Variants in TCF7 observed in about 807,000 individuals in gnomAD.
TCF7 encodes T-cell-factor-7.
In TCF7, 19 loss-of-function variants were observed where a neutral mutation model predicts 46.8. That is an observed-to-expected ratio of 0.41 (90% CI 0.28 to 0.60). The LOEUF (loss-of-function observed/expected upper bound fraction) is 0.60, where lower values mean the gene tolerates loss of function less well. Among genes scored for constraint, TCF7 ranks in the 20% least tolerant of loss-of-function variants. The pLI is 0.35. For synonymous variants in TCF7, 245 were observed against 213.4 expected, an observed-to-expected ratio of 1.15 and a Z score of -1.29; for missense variants, 547 against 504.6, an observed-to-expected ratio of 1.08 and a Z score of -0.81.
rs777189186 is a variant in TCF7 at position 134,146,458 on chromosome 5, C to A, written c.*155C>A. ...TCCCAACCCCAGGGCCCCCACAGGC[C>A]CCCCGCAGCACCCTGCAGAGCACAC... On this transcript the variant is annotated 3_prime_UTR_variant, in exon 10 of 10. Coordinates refer to ENST00000342854, the MANE Select transcript of TCF7 (RefSeq NM_003202.5). 4 of 856,062 alleles carry A rather than the reference C, an allele frequency of 4.7e-6. No individual in the cohort carries two copies. In the African/African-American group the frequency reaches 6.7e-5, roughly 14 times the overall value. The allele number at this position is 856,062 out of a possible 1,614,324, so 53.0% of individuals were successfully genotyped here. A position where few individuals can be genotyped will look rare whatever the true frequency, so the allele number is the denominator to read the frequency against.
chr5:134,126,896 CA>C (rs111604522), intron 3 of TCF7, among the ~76,000 whole-genome samples: 5,498 of 125,394 alleles, frequency 0.044, 233 homozygotes, highest in African/African-American at 0.13. Flanking sequence ...GACTCTATCT[CA>C]AAAAAAAAAA....
Position 134,148,137 on chromosome 5 carries a change from A to G in TCF7, c.*1834A>G, listed in dbSNP as rs1760927312. 6.5e-6 allele frequency: 1 copy of G among 152,672 alleles called. No homozygotes were observed. Among genetic ancestry groups the G allele is most frequent in the South Asian group, 2.1e-4 (1 of 4,830 alleles). The allele number at this position is 152,672 out of a possible 1,614,324, so 9.5% of individuals were successfully genotyped here. On this transcript the variant is annotated 3_prime_UTR_variant, in exon 10 of 10. Coordinates refer to ENST00000342854, the MANE Select transcript of TCF7 (RefSeq NM_003202.5). ...GAGAAAAAGATTATTGTAGTGTTCA[A>G]AATATTTTTGTATTGTTAATGCATC...
At chr5:134,144,421 G>T in intron 9 of TCF7, 1 of 268,296 alleles carries the variant, frequency 3.7e-6, no homozygotes, top group South Asian at 5.0e-5. Context: ...GTAGGGAGTT[G>T]GGGAGGAGGT....
intron 3 of TCF7, among the ~76,000 whole-genome samples, chr5:134,128,297 T>G (rs955802105): frequency 2.6e-5 from 4 of 152,194 alleles, no homozygotes; most frequent in Admixed American, 2.6e-4. Context: ...CTCACTCGCC[T>G]CATGAAGGGC....
chr5:134,138,784 GCACTATTATCA>G, intron 4 of TCF7, 156 bp from the exon 5 acceptor site: 1 of 1,101,460 alleles, frequency 9.1e-7, no homozygotes, highest in Non-Finnish European at 1.3e-6. Flanking sequence ...TGTCAAAGGG[GCACTATTATCA>G]CACTGGGATC....
intron 6 of TCF7, 106 bp downstream of exon 6, chr5:134,142,410 C>A: frequency 8.0e-7 from 1 of 1,243,176 alleles, no homozygotes; most frequent in Non-Finnish European, 1.0e-6. Context: ...CTGTTTCGTG[C>A]CTCTGGCTAT....
At position 134,138,052 on chromosome 5, in the gene TCF7, T is replaced by C. The variant is rs1224247652; in HGVS notation, c.442-7T>C. ...CACACTCACCCACCCTCCTTCTCAT[T>C]TTTCAGCACAAGGCCAATCAGCCCC... On this transcript the variant is annotated splice_polypyrimidine_tract_variant and splice_region_variant and intron_variant, in intron 3 of 9. Transcript: ENST00000342854. 2 of 1,589,448 alleles carry C rather than the reference T, an allele frequency of 1.3e-6. No individual in the cohort carries two copies. The highest frequency in any genetic ancestry group is 1.7e-6 in the Non-Finnish European group (2 of 1,164,564).
chr5:134,131,135 G>GAGCC (rs1758062426), intron 3 of TCF7, among the ~76,000 whole-genome samples: 1 of 152,180 alleles, frequency 6.6e-6, no homozygotes, highest in African/African-American at 2.4e-5. Flanking sequence ...ATGGCCCTCA[G>GAGCC]AGCCAGTGAT....
At position 134,115,620 on chromosome 5, in the gene TCF7, C is replaced by T. The variant is rs1389404728; in HGVS notation, c.316+233C>T. 3.2e-5 allele frequency: 46 copies of T among 1,433,066 alleles called. No homozygotes were observed. In the Admixed American group the frequency reaches 1.0e-3, roughly 32 times the overall value. The allele number at this position is 1,433,066 out of a possible 1,614,324, so 88.8% of individuals were successfully genotyped here. A position where few individuals can be genotyped will look rare whatever the true frequency, so the allele number is the denominator to read the frequency against. On this transcript the variant is annotated intron_variant, in intron 2 of 9. Transcript: ENST00000342854. ...CAGACCCCCGCCATCCCCGCCTCCC[C>T]TCCTGCCCAGGTGACTGACTAATCC...
upstream of TCF7, among the ~76,000 whole-genome samples, chr5:134,112,409 C>T (rs1404613709): frequency 1.3e-5 from 2 of 152,218 alleles, no homozygotes; most frequent in African/African-American, 4.8e-5. Flanking sequence ...CCTTAGCAAG[C>T]CTTCAGACTG....
At chr5:134,127,312 GTCTT>G (rs888242003) in intron 3 of TCF7, among the ~76,000 whole-genome samples, 1 of 152,252 alleles carries the variant, frequency 6.6e-6, no homozygotes, top group Non-Finnish European at 1.5e-5. Context: ...CAAAAGGGCT[GTCTT>G]TCTTACTTGA....
chr5:134,146,233 G>C lies in TCF7; in HGVS notation c.1085G>C (p.Arg362Thr). The C allele has an allele frequency of 1.2e-6, 2 of 1,614,202 alleles. No individual in the cohort carries two copies. The highest frequency in any genetic ancestry group is 1.7e-6 in the Non-Finnish European group (2 of 1,180,032). The change falls in exon 10 of 10, where the codon AGA becomes ACA. Residue 362 changes from arginine to threonine, a missense_variant. Physicochemically the swap from Arg to Thr is moderately conservative, Grantham distance 71. Coordinates refer to ENST00000342854, the MANE Select transcript of TCF7 (RefSeq NM_003202.5). ...TCTTCACTATTCCTAGGAGGAAAAA[G>C]AAATGCATTCGGTACTTACCCGGAG... is the stretch of plus-strand genomic sequence containing the variant. ...KHQESTTGGK[R>T]NAFGTYPEKA...
At chr5:134,137,982 T>C (rs1178965385) in intron 3 of TCF7, 77 bp from the exon 4 acceptor site, 2 of 1,229,630 alleles carry the variant, frequency 1.6e-6, no homozygotes, top group South Asian at 1.6e-5. Context: ...ACAGCTGGGC[T>C]TCCTGTATAC....
chr5:134,146,134 C>G (rs1412979298), intron 9 of TCF7, 90 bp from the exon 10 acceptor site: 1 of 1,612,656 alleles, frequency 6.2e-7, no homozygotes, highest in African/African-American at 1.3e-5. Flanking sequence ...AGGAATCAGC[C>G]AGGCCTGTGC....
At chr5:134,127,206 T>C (rs1018730025) in intron 3 of TCF7, among the ~76,000 whole-genome samples, 31 of 152,304 alleles carry the variant, frequency 2.0e-4, no homozygotes, top group African/African-American at 6.5e-4. Flanking sequence ...CATAGTCCTC[T>C]CACTCCCTCT....
chr5:134,145,119 CAAG>C (rs1561703634), intron 9 of TCF7: 2 of 644,432 alleles, frequency 3.1e-6, no homozygotes, highest in South Asian at 1.5e-5. Context: ...AGGACAGACT[CAAG>C]AAGGCAGCTC....
At chr5:134,114,005 G>A (rs1196367918), upstream of TCF7, among the ~76,000 whole-genome samples, 1 of 152,212 alleles carries the variant, frequency 6.6e-6, no homozygotes, top group East Asian at 1.9e-4. Context: ...GATCGGCTGA[G>A]GTCCGGTGCT....
intron 8 of TCF7, chr5:134,143,374 C>T (rs1561699035): frequency 7.6e-6 from 6 of 788,730 alleles, no homozygotes; most frequent in Non-Finnish European, 1.1e-5. Context: ...AAGTCACCTC[C>T]TTCCATTCAA....
At position 134,139,000 on chromosome 5, in the gene TCF7, C is replaced by T; in HGVS notation, c.597C>T (p.Thr199=). ...TPDLSGFYSL[T]SGSMGQLPHT... ...ACCTCTCTGGCTTCTACTCCCTGACCTCAGGCAGCATGGGGCAGCTCCCCC... is the reference window on the plus strand; with the variant it reads ...ACCTCTCTGGCTTCTACTCCCTGACTTCAGGCAGCATGGGGCAGCTCCCCC... The change falls in exon 5 of 10, where the codon ACC becomes ACT. Residue 199 remains threonine (T), a synonymous_variant. Transcript: ENST00000342854. The T allele has an allele frequency of 3.7e-6, 6 of 1,614,040 alleles. No homozygotes were observed. The highest frequency in any genetic ancestry group is 1.3e-5 in the African/African-American group (1 of 75,046).
Sources: allele counts gnomAD v4.1 joint callset (sites outside exome capture counted in the v4.1 genomes callset), GRCh38; gene constraint gnomAD v4.1.1; transcripts MANE v1.5; gene names NCBI Gene and HGNC (gene_info 2026-07-23, HGNC 2026-07-21).